KALRN: variants seen among roughly 807,000 people sequenced by gnomAD.
KALRN encodes the protein kalirin.
A neutral mutation model predicts 353.7 loss-of-function variants in KALRN; 70 were observed. The ratio of observed to expected loss-of-function variants is 0.20; its 90% CI spans 0.16 to 0.24. KALRN has a LOEUF of 0.24. KALRN is among the 10% of genes least tolerant of loss of function. The pLI, the probability that KALRN is intolerant of heterozygous loss-of-function variation, is 1.00. For synonymous variants in KALRN, 1,391 were observed against 1,434.8 expected (o/e 0.97, Z 0.69); for missense variants, 2,791 against 3,756.7 (o/e 0.74, Z 6.72).
chr3:124,623,567 T>C (rs1617030), intron 34 of KALRN, among the ~76,000 whole-genome samples: 44,023 of 151,882 alleles, frequency 0.29, 7,731 homozygotes, highest in East Asian at 0.59. Context: ...CATCCAGCAC[T>C]GGAGAAAGAT....
intron 56 of KALRN, among the ~76,000 whole-genome samples, chr3:124,700,487 A>G (rs1314557445): frequency 6.6e-6 from 1 of 152,208 alleles, no homozygotes; most frequent in Non-Finnish European, 1.5e-5. Flanking sequence ...CTCACCCCCA[A>G]TCATCCCAGA....
At chr3:124,453,275 C>A (rs1200961661) in intron 21 of KALRN, among the ~76,000 whole-genome samples, 1 of 152,140 alleles carries the variant, frequency 6.6e-6, no homozygotes, top group Non-Finnish European at 1.5e-5. Flanking sequence ...TCCTTCACAC[C>A]AAAGCTCTTG....
intron 2 of KALRN, among the ~76,000 whole-genome samples, chr3:124,230,857 C>CAAAAA (rs796655959): frequency 1.1e-5 from 1 of 93,710 alleles, no homozygotes; most frequent in Non-Finnish European, 2.4e-5. Context: ...CCCCCAAAAC[C>CAAAAA]AAAAAAAAAA....
chr3:124,483,427 C>T (rs192426420), intron 28 of KALRN, among the ~76,000 whole-genome samples: 5 of 152,278 alleles, frequency 3.3e-5, no homozygotes, highest in Admixed American at 6.5e-5. Flanking sequence ...TGGTGTGCAC[C>T]TGTAATCCCA....
intron 34 of KALRN, among the ~76,000 whole-genome samples, chr3:124,599,116 C>T (rs1305598342): frequency 6.6e-6 from 1 of 152,182 alleles, no homozygotes; most frequent in Admixed American, 6.5e-5. Context: ...CTTGTTACTA[C>T]CCCTCTTCTG....
rs1238845751 is a variant in KALRN, at chr3:124,446,244, C to G, written c.3397C>G (p.Gln1133Glu). 3.1e-6 allele frequency: 5 copies of G among 1,613,898 alleles called. No homozygotes were observed. Among genetic ancestry groups the G allele is most frequent in the Non-Finnish European group, 4.2e-6 (5 of 1,179,886 alleles). Residue 1133 changes from glutamine to glutamate, a missense_variant, in exon 20 of 60, where the codon CAA (glutamine) becomes GAA (glutamate). By Grantham distance (29) the Gln-to-Glu change is conservative. Around this residue, in one of 11 missense-constraint regions of KALRN, gnomAD observed 268 missense variants for 347.0 expected, o/e 0.77. Coordinates refer to ENST00000682506, the MANE Select transcript of KALRN (RefSeq NM_001388419.1). ...GAAGCGGCGGTTAGACCAATGCCAG[C>G]AATATGTGGTGTTCGAGCGCAGCGC... ...LKKRRLDQCQ[Q>E]YVVFERSAKQ... is the part of the protein sequence containing the mutation.
chr3:124,252,571 A>C (rs1693992135), intron 3 of KALRN, among the ~76,000 whole-genome samples: 1 of 152,240 alleles, frequency 6.6e-6, no homozygotes. Context: ...TAGCCCTGGC[A>C]TCACAAATCA....
chr3:124,084,816 A>G (rs763403394), intron 1 of KALRN, among the ~76,000 whole-genome samples: 16 of 152,182 alleles, frequency 1.1e-4, no homozygotes, highest in Non-Finnish European at 1.9e-4. Flanking sequence ...TCTTTGGGAT[A>G]AGGAACTCCA....
rs10639598 is a variant in KALRN at position 124,466,034 on chromosome 3, C to CTGTGTGTGTGTG, written c.4031+3433_4031+3444dup. Among the ~76,000 whole-genome samples the CTGTGTGTGTGTG allele has an allele frequency of 4.5e-4, 67 of 147,456 alleles. 1 individual carries two copies. The East Asian group carries it at 8.5e-3, about 19-fold the overall frequency. On this transcript the variant is annotated intron_variant, in intron 25 of 59. Coordinates refer to ENST00000682506, the MANE Select transcript of KALRN (RefSeq NM_001388419.1). ...ACCAGGATTAGTTCTCTCTCTTGCT[C>CTGTGTGTGTGTG]TGTGTGTGTGTGTGTGTGTGTGTGT...
chr3:124,408,194 A>AG (rs1388093136), intron 13 of KALRN, among the ~76,000 whole-genome samples: 4 of 3,844 alleles, frequency 1.0e-3, no homozygotes, highest in Non-Finnish European at 3.8e-3. Context: ...TCTGCTAAAA[A>AG]AAATATGATT....
rs529198453 is a variant in KALRN, at chr3:124,143,100, T to A, written c.74-84890T>A. Among the ~76,000 whole-genome samples the A allele has an allele frequency of 1.5e-3, 231 of 152,216 alleles. 1 individual carries two copies. The highest frequency in any genetic ancestry group is 4.2e-3 in the Admixed American group (64 of 15,298). Reference sequence around the variant, plus strand: ...ATTGGATGATTAATGAATGAATCATTTTATTGGAATTCTTGCAGTTAAGAG... The same window carrying A: ...ATTGGATGATTAATGAATGAATCATATTATTGGAATTCTTGCAGTTAAGAG... On this transcript the variant is annotated intron_variant, in intron 1 of 59. Coordinates refer to ENST00000682506, the MANE Select transcript of KALRN (RefSeq NM_001388419.1).
chr3:124,608,793 C>T (rs2077627228), intron 34 of KALRN, among the ~76,000 whole-genome samples: 1 of 152,172 alleles, frequency 6.6e-6, no homozygotes, highest in South Asian at 2.1e-4. Flanking sequence ...AGTTGTTCTT[C>T]CACTTGACAG....
At chr3:124,657,879 C>A in intron 41 of KALRN, 76 bp downstream of exon 41, 2 of 1,048,988 alleles carry the variant, frequency 1.9e-6, no homozygotes, top group Non-Finnish European at 2.9e-6. Flanking sequence ...CCTGGCCAGG[C>A]ACAGTGGCTC....
rs1033370140 is a variant in KALRN, at chr3:124,679,475, G to A, written c.7335G>A (p.Glu2445=). Residue 2445 remains glutamate, a synonymous_variant, in exon 51 of 60, where the codon GAG becomes GAA. Transcript: ENST00000682506. The stretch of plus-strand genomic sequence containing the variant: ...CAATCAAGGAGACGAACAGTTCCGA[G>A]GAATCAGAGTGTGATGATCTTGACC... ...KVSVKETNSS[E]ESECDDLDPN... 2.5e-6 allele frequency: 4 copies of A among 1,613,974 alleles called. No homozygotes were observed. The highest frequency in any genetic ancestry group is 1.7e-5 in the Admixed American group (1 of 60,006).
intron 1 of KALRN, among the ~76,000 whole-genome samples, chr3:124,112,551 C>G (rs933253108): frequency 6.6e-6 from 1 of 152,166 alleles, no homozygotes; most frequent in Non-Finnish European, 1.5e-5. Context: ...TTTATCCTGC[C>G]TGTCCCCAAC....
At chr3:124,340,530 A>G (rs568692180) in intron 9 of KALRN, among the ~76,000 whole-genome samples, 1 of 152,252 alleles carries the variant, frequency 6.6e-6, no homozygotes, top group East Asian at 1.9e-4. Flanking sequence ...CTCCAAAAAA[A>G]GAAGAAGAAG....
At chr3:124,035,068 A>G (rs910190286) in intron 1 of KALRN, among the ~76,000 whole-genome samples, 3 of 152,092 alleles carry the variant, frequency 2.0e-5, no homozygotes, top group Non-Finnish European at 4.4e-5. Flanking sequence ...TGTGCAGAGG[A>G]AAAAACTGGA....
Position 124,206,516 on chromosome 3 carries a change from T to A in KALRN, c.74-21474T>A, listed in dbSNP as rs866505445. Among the ~76,000 whole-genome samples the A allele has an allele frequency of 2.0e-5, 3 of 152,302 alleles. No individual in the cohort carries two copies. In the South Asian group the frequency reaches 6.2e-4, roughly 32 times the overall value. On this transcript the variant is annotated intron_variant, in intron 1 of 59. Coordinates refer to ENST00000682506, the MANE Select transcript of KALRN (RefSeq NM_001388419.1). ...CTGGCCAATCTCTGTACCAACCTTA[T>A]ATGGATTGGTGGAAATAGTCACCAC...
intron 1 of KALRN, among the ~76,000 whole-genome samples, chr3:124,119,132 A>G (rs1391849947): frequency 6.6e-6 from 1 of 152,140 alleles, no homozygotes; most frequent in African/African-American, 2.4e-5. Context: ...GAATGTGTGT[A>G]GATTTGAGAC....
Sources: allele counts gnomAD v4.1 joint callset (sites outside exome capture counted in the v4.1 genomes callset), GRCh38; gene constraint gnomAD v4.1.1; regional missense constraint gnomAD v4.1.1; transcripts MANE v1.5; gene names NCBI Gene and HGNC (gene_info 2026-07-23, HGNC 2026-07-21).